The following RALYL variants were observed in gnomAD, a reference collection of about 807,000 sequenced individuals.
RALYL encodes the protein RNA-binding Raly-like protein.
Under a neutral mutation model 35.1 loss-of-function variants are expected in RALYL, and 29 were observed. The ratio of observed to expected loss-of-function variants is 0.83; its 90% CI spans 0.61 to 1.13. RALYL has a LOEUF of 1.13. RALYL is among the 50% of genes most tolerant of loss of function. RALYL has a pLI of 0.00. For missense variants in RALYL, 359 were observed against 360.4 expected, an observed-to-expected ratio of 1.00 and a Z score of 0.03; for synonymous variants, 120 against 127.6, an observed-to-expected ratio of 0.94 and a Z score of 0.40.
intron 1 of RALYL, among the ~76,000 whole-genome samples, chr8:84,487,938 A>G (rs1013818117): frequency 2.0e-5 from 3 of 152,106 alleles, no homozygotes; most frequent in African/African-American, 4.8e-5. Flanking sequence ...TGTTTTTAAC[A>G]TGACTGTGAA....
rs532711089 is a variant in RALYL, at chr8:84,313,031, A to G, written c.-24+128607A>G. Among the ~76,000 whole-genome samples the G allele has an allele frequency of 8.1e-4, 124 of 152,276 alleles. 4 individuals are homozygous for G. The South Asian group carries it at 0.022, about 27-fold the overall frequency. ...CATACATCCTCTGAAATTTACGTGG[A>G]GGCTGCCAAGCCTCACCTCTTGTCT... On this transcript the variant is annotated intron_variant, in intron 1 of 8. Coordinates refer to ENST00000521268, the MANE Select transcript of RALYL (RefSeq NM_173848.7).
intron 8 of RALYL, among the ~76,000 whole-genome samples, chr8:84,903,701 C>G (rs1846061308): frequency 6.6e-6 from 1 of 152,080 alleles, no homozygotes; most frequent in South Asian, 2.1e-4. Context: ...GTGGGCCAAA[C>G]CCGTATTATA....
At chr8:84,213,156 C>T (rs1032447982) in intron 1 of RALYL, among the ~76,000 whole-genome samples, 2 of 151,918 alleles carry the variant, frequency 1.3e-5, no homozygotes, top group African/African-American at 2.4e-5. Flanking sequence ...TTTGGGAGGC[C>T]GAGGCGGGCG....
intron 2 of RALYL, among the ~76,000 whole-genome samples, chr8:84,618,596 A>C (rs1414678057): frequency 5.7e-4 from 54 of 95,326 alleles, no homozygotes; most frequent in African/African-American, 2.3e-3. Context: ...TATTTCCTTC[A>C]GTTCTGCTCT....
intron 2 of RALYL, among the ~76,000 whole-genome samples, chr8:84,654,077 A>C (rs1384592522): frequency 6.7e-6 from 1 of 149,802 alleles, no homozygotes; most frequent in African/African-American, 2.4e-5. Context: ...ATATATAAAC[A>C]CACACACACA....
chr8:84,597,811 G>A (rs1029078693), intron 2 of RALYL, among the ~76,000 whole-genome samples: 1 of 152,138 alleles, frequency 6.6e-6, no homozygotes, highest in Non-Finnish European at 1.5e-5. Context: ...GTCCATGGGT[G>A]TTTTGTGCTA....
At chr8:84,547,083 G>A (rs2060410684) in intron 2 of RALYL, among the ~76,000 whole-genome samples, 2 of 152,006 alleles carry the variant, frequency 1.3e-5, no homozygotes, top group Admixed American at 1.3e-4. Flanking sequence ...TTTAAGCCCT[G>A]CATGCATTAG....
At position 84,862,502 on chromosome 8, in the gene RALYL, A is replaced by C. The variant is rs747721925; in HGVS notation, c.571+49A>C. The C allele has an allele frequency of 3.5e-6, 5 of 1,422,736 alleles. No individual in the cohort carries two copies. The African/African-American group carries it at 7.3e-5, about 21-fold the overall frequency. 88.1% of individuals were successfully genotyped at this position (1,422,736 alleles called of 1,614,324 possible). A position where few individuals can be genotyped will look rare whatever the true frequency, so the allele number is the denominator to read the frequency against. ...TTCTCTTTAAAGAAGGGAGTGATTA[A>C]CTATCATTGCACGAATGCCTATATT... is the stretch of plus-strand genomic sequence containing the variant. On this transcript the variant is annotated intron_variant, in intron 6 of 8. Coordinates refer to ENST00000521268, the MANE Select transcript of RALYL (RefSeq NM_173848.7).
At chr8:84,244,276 A>T (rs1828619536) in intron 1 of RALYL, among the ~76,000 whole-genome samples, 1 of 152,186 alleles carries the variant, frequency 6.6e-6, no homozygotes, top group African/African-American at 2.4e-5. Flanking sequence ...GAAACATAAG[A>T]ATACAGAATT....
chr8:84,197,994 T>C (rs1383514951), intron 1 of RALYL, among the ~76,000 whole-genome samples: 3 of 152,156 alleles, frequency 2.0e-5, no homozygotes, highest in African/African-American at 7.2e-5. Flanking sequence ...CCTTTTTGAA[T>C]TAATTAATTA....
intron 2 of RALYL, among the ~76,000 whole-genome samples, chr8:84,717,494 A>C (rs1386782139): frequency 6.6e-6 from 1 of 152,140 alleles, no homozygotes; most frequent in African/African-American, 2.4e-5. Flanking sequence ...TGCTTATATG[A>C]ATATTAAAGG....
chr8:84,580,987 G>C (rs1300958072), intron 2 of RALYL, among the ~76,000 whole-genome samples: 1 of 152,058 alleles, frequency 6.6e-6, no homozygotes, highest in Non-Finnish European at 1.5e-5. Flanking sequence ...TGCCTAATCT[G>C]GGTTAACTTA....
chr8:84,647,353 G>A (rs982627051), intron 2 of RALYL, among the ~76,000 whole-genome samples: 3 of 151,832 alleles, frequency 2.0e-5, no homozygotes, highest in African/African-American at 7.2e-5. Context: ...ATGTGCAGGT[G>A]AATATGGAAA....
chr8:84,550,914 C>A (rs1055353703), intron 2 of RALYL, among the ~76,000 whole-genome samples: 1 of 151,678 alleles, frequency 6.6e-6, no homozygotes. Flanking sequence ...TATTTCATTG[C>A]GACAAAATCT....
chr8:84,384,341 C>T (rs113488147), intron 1 of RALYL, among the ~76,000 whole-genome samples: 4,514 of 151,806 alleles, frequency 0.03, 211 homozygotes, highest in African/African-American at 0.1. Flanking sequence ...CTGTCTCCTC[C>T]ATATGAACCT....
chr8:84,260,134 C>T (rs531972524), intron 1 of RALYL, among the ~76,000 whole-genome samples: 7 of 152,138 alleles, frequency 4.6e-5, no homozygotes, highest in South Asian at 2.1e-4. Flanking sequence ...AAAAGTTAAC[C>T]GATTATTTCT....
intron 2 of RALYL, among the ~76,000 whole-genome samples, chr8:84,613,219 C>A (rs1195293439): frequency 6.6e-6 from 1 of 151,476 alleles, no homozygotes. Flanking sequence ...TTCATAAGAA[C>A]TAAAAATGAA....
At chr8:84,816,032 CAAAAAAA>C (rs5892931) in intron 4 of RALYL, among the ~76,000 whole-genome samples, 1 of 84,194 alleles carries the variant, frequency 1.2e-5, no homozygotes, top group Non-Finnish European at 2.3e-5. Flanking sequence ...GACTCTGTCT[CAAAAAAA>C]AAAAAAAAAA....
intron 2 of RALYL, among the ~76,000 whole-genome samples, chr8:84,704,065 C>T (rs959397399): frequency 1.3e-5 from 2 of 152,118 alleles, no homozygotes; most frequent in African/African-American, 2.4e-5. Context: ...TGAATTGGCT[C>T]TTGTCTAAAT....
Sources: gnomAD v4.1 joint callset for allele counts (sites outside exome capture counted in the v4.1 genomes callset) on GRCh38, gnomAD v4.1.1 for gene constraint, MANE v1.5 for transcripts, NCBI Gene and HGNC (gene_info 2026-07-23, HGNC 2026-07-21) for gene names.